The following FARP2 variants were observed in gnomAD, a reference collection of about 807,000 sequenced individuals.
The protein encoded by FARP2 is FERM, ARHGEF and pleckstrin domain-containing protein 2.
Under a neutral mutation model 130.5 loss-of-function variants are expected in FARP2, and 111 were observed. That is an observed-to-expected ratio of 0.85 (90% CI 0.73 to 1.00). The LOEUF (loss-of-function observed/expected upper bound fraction) is 1.00. Among genes scored for constraint, FARP2 ranks in the 50% least tolerant of loss-of-function variants. The pLI is 0.00. For synonymous variants in FARP2, 504 were observed against 516.9 expected (o/e 0.98, Z 0.34); for missense variants, 1,385 against 1,346.3 (o/e 1.03, Z -0.45).
intron 17 of FARP2, 35 bp downstream of exon 17, chr2:241,464,015 C>T (rs764086738): frequency 3.2e-6 from 5 of 1,563,026 alleles, no homozygotes; most frequent in South Asian, 2.2e-5. Context: ...TACATGAATG[C>T]TGTTTATGGG....
At chr2:241,465,437 A>G (rs896023701) in intron 17 of FARP2, 10 of 1,542,096 alleles carry the variant, frequency 6.5e-6, no homozygotes, top group Non-Finnish European at 8.8e-6. Context: ...CTTGGCTGCT[A>G]GGCTCATAGG....
intron 1 of FARP2, among the ~76,000 whole-genome samples, chr2:241,360,060 A>T (rs964321850): frequency 6.6e-6 from 1 of 151,674 alleles, no homozygotes; most frequent in South Asian, 2.1e-4. Flanking sequence ...CCCTCACTTT[A>T]CTCACTCCAA....
chr2:241,484,076 G>C, intron 20 of FARP2, 166 bp from the exon 21 acceptor site: 1 of 1,411,538 alleles, frequency 7.1e-7, no homozygotes, highest in Non-Finnish European at 9.3e-7. Flanking sequence ...CCTGCCTCTG[G>C]TCAAAAACGA....
At chr2:241,410,551 C>T (rs2062490309) in intron 5 of FARP2, among the ~76,000 whole-genome samples, 1 of 152,030 alleles carries the variant, frequency 6.6e-6, no homozygotes, top group Non-Finnish European at 1.5e-5. Context: ...CTGCCTCAGC[C>T]TCCCAAGTAG....
chr2:241,482,088 G>A lies in FARP2; in HGVS notation c.2263-1377G>A, dbSNP rs1254665574. On this transcript the variant is annotated intron_variant, in intron 19 of 26. Transcript: ENST00000264042. This position sits in a 1 kb window ranked among gnomAD's most constrained non-coding sequence, Gnocchi z 4.6. ...AAACCATGCCAGTTATTTGAGCAGAGGATGTAATAGCAAGGATTGTTAACC... is the reference window on the plus strand; with the variant it reads ...AAACCATGCCAGTTATTTGAGCAGAAGATGTAATAGCAAGGATTGTTAACC... 1.3e-5 allele frequency among the ~76,000 whole-genome samples: 2 copies of A among 152,216 alleles called. No individual in the cohort carries two copies. Among genetic ancestry groups the A allele is most frequent in the Non-Finnish European group, 2.9e-5 (2 of 68,034 alleles).
chr2:241,442,736 G>T (rs1049604222), intron 13 of FARP2: 2 of 335,528 alleles, frequency 6.0e-6, no homozygotes, highest in East Asian at 1.6e-4. Flanking sequence ...CTATGCCTCC[G>T]GTCTTAGACC....
At chr2:241,428,963 T>C (rs371514217) in intron 8 of FARP2, among the ~76,000 whole-genome samples, 21 of 152,200 alleles carry the variant, frequency 1.4e-4, no homozygotes, top group Non-Finnish European at 2.9e-4. Context: ...TGTGGTAGCA[T>C]GTATCAGTGT....
At chr2:241,443,115 G>A (rs1425134721) in intron 13 of FARP2, 3 of 269,704 alleles carry the variant, frequency 1.1e-5, no homozygotes, top group South Asian at 7.7e-5. Context: ...GTAGACATTA[G>A]CCTTTTCTTC....
chr2:241,410,927 T>C (rs2062501376), intron 5 of FARP2, 106 bp from the exon 6 acceptor site: 4 of 781,244 alleles, frequency 5.1e-6, no homozygotes, highest in Admixed American at 2.2e-5. Context: ...GTTGGGTCAC[T>C]GCCACTTCCC....
intron 13 of FARP2, among the ~76,000 whole-genome samples, chr2:241,449,090 T>C (rs941595328): frequency 6.6e-6 from 1 of 152,194 alleles, no homozygotes; most frequent in Non-Finnish European, 1.5e-5. Context: ...CCAGAAATAA[T>C]TTTCGGCTAA....
rs148382097 is a variant in FARP2, at chr2:241,435,758, G to A, written c.1101-723G>A. 6.2e-3 allele frequency among the ~76,000 whole-genome samples: 928 copies of A among 150,190 alleles called. 9 individuals are homozygous for A. The highest frequency in any genetic ancestry group is 0.021 in the African/African-American group (871 of 40,918). ...GACCTCCTGACCTCATGATCCACCCGCCTCGGCCTCCCAAAGTGCTGGGAT... is the reference window on the plus strand; with the variant it reads ...GACCTCCTGACCTCATGATCCACCCACCTCGGCCTCCCAAAGTGCTGGGAT... On this transcript the variant is annotated intron_variant, in intron 11 of 26. Transcript: ENST00000264042.
chr2:241,387,893 C>A (rs2061825549), intron 2 of FARP2, among the ~76,000 whole-genome samples: 1 of 150,386 alleles, frequency 6.6e-6, no homozygotes, highest in Admixed American at 6.6e-5. Flanking sequence ...AACTTGTACA[C>A]AGAAAATCAT....
At chr2:241,446,685 A>G (rs111699169) in intron 13 of FARP2, 1 of 152,208 alleles carries the variant, frequency 6.6e-6, no homozygotes, top group Admixed American at 6.5e-5. Context: ...TATTTCATAG[A>G]CAAAAATGTT....
chr2:241,380,797 C>G (rs1348576913), intron 2 of FARP2, among the ~76,000 whole-genome samples: 1 of 152,026 alleles, frequency 6.6e-6, no homozygotes, highest in African/African-American at 2.4e-5. Flanking sequence ...TCATCCCTCC[C>G]CTGAAACTTC....
intron 2 of FARP2, among the ~76,000 whole-genome samples, chr2:241,397,296 G>A (rs957485278): frequency 3.9e-5 from 6 of 151,916 alleles, no homozygotes; most frequent in Non-Finnish European, 5.9e-5. Flanking sequence ...TAACTAACCT[G>A]CACATTGTGC....
intron 2 of FARP2, among the ~76,000 whole-genome samples, chr2:241,399,472 T>C (rs892738335): frequency 1.3e-5 from 2 of 152,146 alleles, no homozygotes; most frequent in African/African-American, 4.8e-5. Flanking sequence ...ACCCGGCTAA[T>C]TTTTGTGTTT....
At chr2:241,455,735 C>CT (rs1180839402) in intron 13 of FARP2, among the ~76,000 whole-genome samples, 13,277 of 94,858 alleles carry the variant, frequency 0.14, 1,537 homozygotes, top group Non-Finnish European at 0.17. Context: ...CTAAAGTTTT[C>CT]TTTTTTTTTT....
chr2:241,446,297 T>A (rs187959566), intron 13 of FARP2: 4 of 152,280 alleles, frequency 2.6e-5, no homozygotes, highest in Admixed American at 2.6e-4. Context: ...CACACATTTT[T>A]AAATTAGTAC....
intron 11 of FARP2, among the ~76,000 whole-genome samples, chr2:241,435,834 G>C (rs908349110): frequency 1.4e-5 from 2 of 147,062 alleles, no homozygotes; most frequent in African/African-American, 5.0e-5. Flanking sequence ...TATAGACATT[G>C]TATACACATA....
Sources: gnomAD v4.1 joint callset for allele counts (sites outside exome capture counted in the v4.1 genomes callset) on GRCh38, gnomAD v4.1.1 for gene constraint, Gnocchi (gnomAD v3.1) non-coding constraint, MANE v1.5 for transcripts, NCBI Gene and HGNC (gene_info 2026-07-23, HGNC 2026-07-21) for gene names.